MUC4: variants seen among roughly 807,000 people sequenced by gnomAD.
MUC4 encodes the protein mucin 4, cell surface associated, also known as mucin-4.
A neutral mutation model predicts 257.9 loss-of-function variants in MUC4; 202 were observed. That is an observed-to-expected ratio of 0.78 (90% confidence interval 0.70 to 0.88). MUC4 has a LOEUF of 0.88. Among genes scored for constraint, MUC4 ranks in the 40% least tolerant of loss-of-function variants. The probability of loss-of-function intolerance (pLI) is 0.00; values close to 1 mark genes in which losing one functional copy is unlikely to be tolerated. For synonymous variants in MUC4, 2,351 were observed against 2,757.1 expected, an observed-to-expected ratio of 0.85 and a Z score of 4.62; for missense variants, 5,976 against 6,513.7, an observed-to-expected ratio of 0.92 and a Z score of 2.84.
intron 1 of MUC4, among the ~76,000 whole-genome samples, chr3:195,807,721 T>C (rs1736158716): frequency 6.6e-6 from 1 of 152,210 alleles, no homozygotes; most frequent in Admixed American, 6.5e-5. Context: ...AGCTACACGA[T>C]GTGCATATTT....
intron 15 of MUC4, among the ~76,000 whole-genome samples, 177 bp from the exon 16 acceptor site, chr3:195,761,294 T>C (rs1718844173): frequency 6.6e-6 from 1 of 152,028 alleles, no homozygotes; most frequent in African/African-American, 2.4e-5. Context: ...ACACTCCACG[T>C]CCCCCATTCT....
At chr3:195,778,599 T>G in intron 2 of MUC4, 144 bp from the exon 3 acceptor site, 1 of 1,297,864 alleles carries the variant, frequency 7.7e-7, no homozygotes, top group East Asian at 2.5e-5. Context: ...ACTCTCGACA[T>G]CAGTGCTTTT....
Position 195,762,186 on chromosome 3 carries a change from CGAAGCTGGCCGA to C in MUC4, c.14401_14412del (p.Ser4801_Phe4804del). 1 of 1,603,378 alleles carries C rather than the reference CGAAGCTGGCCGA, an allele frequency of 6.2e-7. No homozygotes were observed. The highest frequency in any genetic ancestry group is 2.3e-5 in the East Asian group (1 of 44,346). On this transcript the variant is annotated inframe_deletion, in exon 14 of 25. Transcript: ENST00000463781. The stretch of plus-strand genomic sequence containing the variant: ...ATCACCGAGACGGTGGCCCAGCCGT[CGAAGCTGGCCGA>C]GACCTCAGAGCCGTTGCGGCTCAGG...
rs76432467 is a variant in MUC4 at position 195,788,256 on chromosome 3, G to A, written c.3324C>T (p.Thr1108=). 8.2e-6 allele frequency: 11 copies of A among 1,337,236 alleles called. No homozygotes were observed. Among genetic ancestry groups the A allele is most frequent in the Admixed American group, 7.2e-5 (3 of 41,854 alleles). The allele number at this position is 1,337,236 out of a possible 1,614,324, so 82.8% of individuals were successfully genotyped here. Residue 1108 remains threonine, a synonymous_variant, in exon 2 of 25, where the codon ACC becomes ACT. Transcript: ENST00000463781. ...STGHATSLPV[T]DTSSVSTGHT... ...GACCTGTGGATACTGAGGAAGTGTCGGTGACAGGAAGAGAGGTGGCGTGAC... is the reference window on the plus strand; with the variant it reads ...GACCTGTGGATACTGAGGAAGTGTCAGTGACAGGAAGAGAGGTGGCGTGAC...
intron 20 of MUC4, 136 bp from the exon 21 acceptor site, chr3:195,752,582 CT>C: frequency 1.4e-6 from 1 of 705,938 alleles, no homozygotes; most frequent in Non-Finnish European, 2.5e-6. Context: ...AGAAGTGGCC[CT>C]CACCCTACAT....
At chr3:195,751,175 C>T (rs1716357280) in intron 22 of MUC4, 32 bp downstream of exon 22, 1 of 1,555,722 alleles carries the variant, frequency 6.4e-7, no homozygotes, top group East Asian at 2.4e-5. Context: ...AGGAAGAGAT[C>T]TGGGGGCTTA....
rs1726960954 is a variant in MUC4, at chr3:195,780,369, T to A, written c.11211A>T (p.Ala3737=). 1 of 1,423,206 alleles carries A rather than the reference T, an allele frequency of 7.0e-7. No homozygotes were observed. The highest frequency in any genetic ancestry group is 9.5e-7 in the Non-Finnish European group (1 of 1,049,696). 88.2% of individuals were successfully genotyped at this position (1,423,206 alleles called of 1,614,324 possible). Residue 3737 remains alanine, a synonymous_variant, in exon 2 of 25, where the codon GCA becomes GCT. Coordinates refer to ENST00000463781, the MANE Select transcript of MUC4 (RefSeq NM_018406.7). ...GAAGAGGGGTGACGTGACCTGTGGATGCTGAGGAAGGGCTGGTGACATGAA... is the reference window on the plus strand; with the variant it reads ...GAAGAGGGGTGACGTGACCTGTGGAAGCTGAGGAAGGGCTGGTGACATGAA... ...TPLHVTSPSS[A]STGHVTPLPV... is the part of the protein sequence containing the mutation.
At chr3:195,759,884 A>G (rs1336141470) in intron 16 of MUC4, among the ~76,000 whole-genome samples, 1 of 151,946 alleles carries the variant, frequency 6.6e-6, no homozygotes, top group African/African-American at 2.4e-5. Flanking sequence ...ACGTCACTGC[A>G]CTCCAGCCTG....
At position 195,780,626 on chromosome 3, in the gene MUC4, T is replaced by C. The variant is rs762906688; in HGVS notation, c.10954A>G (p.Thr3652Ala). 9 of 1,496,054 alleles carry C rather than the reference T, an allele frequency of 6.0e-6. No individual in the cohort carries two copies. Among genetic ancestry groups the C allele is most frequent in the Non-Finnish European group, 5.3e-6 (6 of 1,129,024 alleles). 92.7% of individuals were successfully genotyped at this position (1,496,054 alleles called of 1,614,324 possible). ...CCTGTGGATACTGAGGAAGCGTCGGTGACAAGAAGAGGGGTGGTGTCACCT... is the reference window on the plus strand; with the variant it reads ...CCTGTGGATACTGAGGAAGCGTCGGCGACAAGAAGAGGGGTGGTGTCACCT... ...STGDTTPLLV[T>A]DASSVSTGHA... Residue 3652 changes from threonine (T) to alanine (A), a missense_variant, in exon 2 of 25, where the codon ACC (threonine) becomes GCC (alanine). Physicochemically the swap from Thr to Ala is moderately conservative, Grantham distance 58. Coordinates refer to ENST00000463781, the MANE Select transcript of MUC4 (RefSeq NM_018406.7).
chr3:195,811,679 C>T, intron 1 of MUC4, 57 bp downstream of exon 1: 1 of 1,539,278 alleles, frequency 6.5e-7, no homozygotes, highest in South Asian at 1.1e-5. Context: ...TCTGACAGCT[C>T]CCACCTCCCC....
Position 195,770,356 on chromosome 3 carries a change from A to G in MUC4, c.13258T>C (p.Tyr4420His). The G allele has an allele frequency of 6.2e-7, 1 of 1,613,816 alleles. No individual in the cohort carries two copies. The highest frequency in any genetic ancestry group is 8.5e-7 in the Non-Finnish European group (1 of 1,179,928). Residue 4420 changes from tyrosine to histidine, a missense_variant, in exon 6 of 25, where the codon TAT becomes CAT. Physicochemically the swap from Tyr to His is moderately conservative, Grantham distance 83 (BLOSUM62 2). This residue lies in a region of MUC4 where 996 missense variants were observed against 1,137.3 expected (regional missense o/e 0.88). Transcript: ENST00000463781. ...TTFYQEYETF[Y>H]GEHSLLVQQA... ...TGGACTAGCAGGCTGTGTTCACCAT[A>G]GAACGTCTCGTATTCCTAGGAAAGG...
In MUC4 at chr3:195,759,798, A is replaced by C. The variant is rs376388707; in HGVS notation, c.14849-537T>G. ...GTCAGGCATGGTGGCGGGTGCCTGT[A>C]ATCTCAGCTATTCAGGAGGCTGAAA... On this transcript the variant is annotated intron_variant, in intron 16 of 24. Coordinates refer to ENST00000463781, the MANE Select transcript of MUC4 (RefSeq NM_018406.7). Among the ~76,000 whole-genome samples the C allele has an allele frequency of 3.3e-5, 5 of 151,870 alleles. No homozygotes were observed. In the East Asian group the frequency reaches 5.8e-4, roughly 18 times the overall value.
chr3:195,788,122 A>T lies in MUC4; in HGVS notation c.3458T>A (p.Leu1153His). Residue 1153 changes from leucine (L) to histidine (H), a missense_variant, in exon 2 of 25, where the codon CTT becomes CAT. Coordinates refer to ENST00000463781, the MANE Select transcript of MUC4 (RefSeq NM_018406.7). ...SSVSTGHTTP[L>H]HVTDASSAST... ...TGCTGAGGAAGCATCAGTGACATGAAGAGGGGTGGTGTGACCTGTGGATAC... is the reference window on the plus strand; with the variant it reads ...TGCTGAGGAAGCATCAGTGACATGATGAGGGGTGGTGTGACCTGTGGATAC... 6.7e-7 allele frequency: 1 copy of T among 1,490,730 alleles called. No individual in the cohort carries two copies. Among genetic ancestry groups the T allele is most frequent in the African/African-American group, 1.5e-5 (1 of 67,280 alleles). The allele number at this position is 1,490,730 out of a possible 1,614,324, so 92.3% of individuals were successfully genotyped here. A position where few individuals can be genotyped will look rare whatever the true frequency, so the allele number is the denominator to read the frequency against.
chr3:195,754,153 C>A, intron 19 of MUC4, 60 bp downstream of exon 19: 1 of 1,546,720 alleles, frequency 6.5e-7, no homozygotes, highest in South Asian at 1.2e-5. Flanking sequence ...TGGCTGTCTA[C>A]ACCCTTGAGC....
chr3:195,775,439 C>CGG (rs1560283627), intron 3 of MUC4, among the ~76,000 whole-genome samples: 1,329 of 66,496 alleles, frequency 0.02, 386 homozygotes, highest in Middle Eastern at 0.1. Flanking sequence ...ACCTTCCACA[C>CGG]CCATACCTTC....
Position 195,746,987 on chromosome 3 carries a change from C to A in MUC4, c.*189G>T. The A allele has an allele frequency of 1.2e-6, 1 of 830,112 alleles. No individual in the cohort carries two copies. Among genetic ancestry groups the A allele is most frequent in the Non-Finnish European group, 1.9e-6 (1 of 537,100 alleles). 51.4% of individuals were successfully genotyped at this position (830,112 alleles called of 1,614,324 possible). A position where few individuals can be genotyped will look rare whatever the true frequency, so the allele number is the denominator to read the frequency against. ...ATCCATGCATGTTTGATCTTTATGGCCTCCCCCTGTGCACCTGCGCCTATG... is the reference window on the plus strand; with the variant it reads ...ATCCATGCATGTTTGATCTTTATGGACTCCCCCTGTGCACCTGCGCCTATG... On this transcript the variant is annotated 3_prime_UTR_variant, in exon 25 of 25. Transcript: ENST00000463781.
At chr3:195,774,443 G>A (rs75857191) in intron 3 of MUC4, 138 bp from the exon 4 acceptor site, 4 of 1,112,140 alleles carry the variant, frequency 3.6e-6, no homozygotes, top group Non-Finnish European at 4.8e-6. Flanking sequence ...CAGCCATCTA[G>A]GGTGCTTCTC....
chr3:195,762,811 T>C, intron 13 of MUC4, 44 bp downstream of exon 13: 1 of 1,373,472 alleles, frequency 7.3e-7, no homozygotes. Flanking sequence ...CCCACCTCGC[T>C]GCTCCCGGTG....
intron 1 of MUC4, among the ~76,000 whole-genome samples, chr3:195,799,260 T>TGTGTGTGTGTGTGTGTGAGA (rs1553889795): frequency 6.0e-4 from 90 of 149,226 alleles, no homozygotes; most frequent in South Asian, 3.4e-3. Context: ...TGTGTGTGTG[T>TGTGTGTGTGTGTGTGTGAGA]GACACTGTGT....
Sources: gnomAD v4.1 joint callset for allele counts (sites outside exome capture counted in the v4.1 genomes callset) on GRCh38, gnomAD v4.1.1 for gene constraint, gnomAD v4.1.1 regional missense constraint, MANE v1.5 for transcripts, NCBI Gene and HGNC (gene_info 2026-07-23, HGNC 2026-07-21) for gene names.